Variants in RAB2A observed in about 807,000 individuals in gnomAD.
The protein encoded by RAB2A is ras-related protein Rab-2A.
RAB2A carries 7 observed loss-of-function variants against 32.5 expected under a neutral mutation model. The ratio of observed to expected loss-of-function variants is 0.22; its 90% CI spans 0.12 to 0.40. The LOEUF is 0.40. Ranked by LOEUF, RAB2A falls within the 10% of genes least tolerant of loss-of-function variation. The pLI is 1.00. For synonymous variants in RAB2A, 79 were observed against 85.2 expected (o/e 0.93, Z 0.40); for missense variants, 108 against 260.7 (o/e 0.41, Z 4.03).
chr8:60,584,654 T>C (rs1355812749), intron 4 of RAB2A, 69 bp from the exon 5 acceptor site: 5 of 1,289,254 alleles, frequency 3.9e-6, no homozygotes, highest in East Asian at 2.4e-5. Context: ...TTTAAAAATA[T>C]GTATATTGTT....
chr8:60,549,422 G>A (rs562884761), intron 1 of RAB2A, among the ~76,000 whole-genome samples: 6 of 151,992 alleles, frequency 3.9e-5, no homozygotes, highest in South Asian at 2.1e-4. Flanking sequence ...CGGATCACTC[G>A]CGGTTAGGAG....
intron 1 of RAB2A, among the ~76,000 whole-genome samples, chr8:60,543,125 G>C (rs1423875279): frequency 6.6e-6 from 1 of 152,194 alleles, no homozygotes; most frequent in Non-Finnish European, 1.5e-5. Context: ...CAACGTAAGA[G>C]TCTTAAGAGG....
At chr8:60,528,847 A>C (rs562398118) in intron 1 of RAB2A, among the ~76,000 whole-genome samples, 2 of 152,106 alleles carry the variant, frequency 1.3e-5, no homozygotes, top group Non-Finnish European at 2.9e-5. Context: ...AAGTGCTGGG[A>C]TTACAGGTGT....
At position 60,622,274 on chromosome 8, in the gene RAB2A, A is replaced by G. The variant is rs1199321876; in HGVS notation, c.*1505A>G. On this transcript the variant is annotated 3_prime_UTR_variant, in exon 8 of 8. Coordinates refer to ENST00000262646, the MANE Select transcript of RAB2A (RefSeq NM_002865.3). ...AGAAGTTCTAACTCTGAAACTAACT[A>G]CTTTCATTTCGCTCATGGCCTTCAA... The G allele has an allele frequency of 6.6e-6, 1 of 152,218 alleles. No homozygotes were observed. Among genetic ancestry groups the G allele is most frequent in the African/African-American group, 2.4e-5 (1 of 41,452 alleles). 9.4% of individuals were successfully genotyped at this position (152,218 alleles called of 1,614,324 possible). A position where few individuals can be genotyped will look rare whatever the true frequency, so the allele number is the denominator to read the frequency against.
At chr8:60,589,240 G>A (rs1399818480) in intron 5 of RAB2A, among the ~76,000 whole-genome samples, 2 of 152,198 alleles carry the variant, frequency 1.3e-5, no homozygotes, top group African/African-American at 4.8e-5. Context: ...ACCACTAGGA[G>A]CTGATAGTTC....
intron 1 of RAB2A, among the ~76,000 whole-genome samples, chr8:60,557,609 G>C (rs1306246625): frequency 7.9e-5 from 12 of 152,126 alleles, no homozygotes; most frequent in Admixed American, 7.9e-4. Flanking sequence ...GTCTCATTCT[G>C]TTACCTACCC....
At chr8:60,549,798 A>G (rs1279407290) in intron 1 of RAB2A, among the ~76,000 whole-genome samples, 1 of 152,094 alleles carries the variant, frequency 6.6e-6, no homozygotes, top group Non-Finnish European at 1.5e-5. Context: ...AATAACAAAA[A>G]TAACTGTTTA....
At chr8:60,586,190 A>T (rs1210007401) in intron 5 of RAB2A, among the ~76,000 whole-genome samples, 1 of 152,084 alleles carries the variant, frequency 6.6e-6, no homozygotes, top group Non-Finnish European at 1.5e-5. Flanking sequence ...GATTCCAGCT[A>T]CTCAGGAGGC....
chr8:60,619,671 C>T (rs981618069), intron 7 of RAB2A, among the ~76,000 whole-genome samples: 6 of 152,170 alleles, frequency 3.9e-5, no homozygotes, highest in Non-Finnish European at 7.3e-5. Context: ...AGACTAATGC[C>T]ATATAAATTG....
intron 3 of RAB2A, among the ~76,000 whole-genome samples, chr8:60,578,424 C>T (rs1054108852): frequency 1.3e-5 from 2 of 152,210 alleles, no homozygotes; most frequent in East Asian, 1.9e-4. Flanking sequence ...GGGGCTTGAG[C>T]TGGTCCTCAA....
intron 7 of RAB2A, 156 bp downstream of exon 7, chr8:60,618,804 C>T (rs555844699): frequency 4.1e-6 from 1 of 244,178 alleles, no homozygotes; most frequent in South Asian, 1.6e-4. Context: ...TACAGTCATC[C>T]AACTGAAAAA....
Position 60,622,781 on chromosome 8 carries a change from C to G in RAB2A, c.*2012C>G, listed in dbSNP as rs1804549404. The G allele has an allele frequency of 1.3e-5, 2 of 152,206 alleles. No individual in the cohort carries two copies. Among genetic ancestry groups the G allele is most frequent in the Admixed American group, 6.5e-5 (1 of 15,292 alleles). 9.4% of individuals were successfully genotyped at this position (152,206 alleles called of 1,614,324 possible). A position where few individuals can be genotyped will look rare whatever the true frequency, so the allele number is the denominator to read the frequency against. Reference sequence around the variant, plus strand: ...AAATATAACTCCTCCCACAACCACCCTAATGTGCCTCAGTCTGGGGCAGCA... The same window carrying G: ...AAATATAACTCCTCCCACAACCACCGTAATGTGCCTCAGTCTGGGGCAGCA... On this transcript the variant is annotated 3_prime_UTR_variant, in exon 8 of 8. Transcript: ENST00000262646.
intron 6 of RAB2A, among the ~76,000 whole-genome samples, chr8:60,606,758 C>T (rs1411902051): frequency 6.6e-6 from 1 of 152,194 alleles, no homozygotes; most frequent in East Asian, 1.9e-4. Context: ...CCAAGCTATA[C>T]CTGGGCCTTT....
At chr8:60,573,244 A>C (rs935899563) in intron 3 of RAB2A, among the ~76,000 whole-genome samples, 19 of 152,344 alleles carry the variant, frequency 1.2e-4, no homozygotes, top group African/African-American at 4.3e-4. Context: ...CAAAGAACAT[A>C]TTCTCTAAAC....
intron 5 of RAB2A, among the ~76,000 whole-genome samples, chr8:60,586,868 G>A (rs1247824688): frequency 1.3e-5 from 2 of 151,154 alleles, no homozygotes; most frequent in Non-Finnish European, 2.9e-5. Context: ...GCTCAAGGTT[G>A]CAGTGAGCTA....
chr8:60,604,563 G>A (rs1467056104), intron 6 of RAB2A, among the ~76,000 whole-genome samples: 2 of 152,170 alleles, frequency 1.3e-5, no homozygotes, highest in African/African-American at 4.8e-5. Flanking sequence ...GGCTGAGGAG[G>A]TCTCAGATGG....
At chr8:60,526,740 G>A (rs923357731) in intron 1 of RAB2A, among the ~76,000 whole-genome samples, 3 of 152,094 alleles carry the variant, frequency 2.0e-5, no homozygotes, top group South Asian at 2.1e-4. Context: ...AGGCTGAGGC[G>A]GGTGGATTGC....
chr8:60,545,359 C>T (rs138566805), intron 1 of RAB2A, among the ~76,000 whole-genome samples: 224 of 152,152 alleles, frequency 1.5e-3, no homozygotes, highest in African/African-American at 5.3e-3. Context: ...GGCTGTAGTG[C>T]AGTGGGACGA....
chr8:60,610,174 A>G (rs541373237), intron 6 of RAB2A, among the ~76,000 whole-genome samples: 1 of 152,182 alleles, frequency 6.6e-6, no homozygotes, highest in East Asian at 1.9e-4. Flanking sequence ...GAAGTACTAG[A>G]TACCACCAAG....
Sources: gnomAD v4.1 joint callset for allele counts (sites outside exome capture counted in the v4.1 genomes callset) on GRCh38, gnomAD v4.1.1 for gene constraint, MANE v1.5 for transcripts, NCBI Gene and HGNC (gene_info 2026-07-23, HGNC 2026-07-21) for gene names.